Variants in TRMT9B observed in about 807,000 individuals in gnomAD.
TRMT9B encodes tRNA methyltransferase 9B (putative), also known as probable tRNA methyltransferase 9B.
Under a neutral mutation model 11.5 loss-of-function variants are expected in TRMT9B, and 16 were observed. The observed-to-expected ratio is 1.39, with a 90% CI of 0.94 to 2.11. The LOEUF (loss-of-function observed/expected upper bound fraction) is 2.11. Ranked by LOEUF, TRMT9B falls within the 30% of genes most tolerant of loss-of-function variation. The pLI is 0.00. For missense variants in TRMT9B, 941 were observed against 553.8 expected (o/e 1.70, Z -7.02); for synonymous variants, 274 against 192.4 (o/e 1.42, Z -3.51).
chr8:13,012,547 C>G (rs900566122), intron 3 of TRMT9B, 137 bp from the exon 4 acceptor site: 234 of 1,161,638 alleles, frequency 2.0e-4, no homozygotes, highest in Non-Finnish European at 2.7e-4. Flanking sequence ...TGCACTCCAG[C>G]CTGGGTGACT....
At chr8:12,962,371 T>C (rs1157018025) in intron 1 of TRMT9B, among the ~76,000 whole-genome samples, 1 of 152,262 alleles carries the variant, frequency 6.6e-6, no homozygotes, top group Non-Finnish European at 1.5e-5. Flanking sequence ...ATCTCTTGTC[T>C]GATAGTTTGT....
At position 12,965,324 on chromosome 8, in the gene TRMT9B, G is replaced by A. The variant is rs559083079; in HGVS notation, c.-200+19358G>A. 2.8e-4 allele frequency among the ~76,000 whole-genome samples: 43 copies of A among 152,314 alleles called. 2 individuals carry two copies. The South Asian group carries it at 8.9e-3, about 32-fold the overall frequency. ...AGCTATTGAGGAGCTCAGTTGGAAA[G>A]AAACAGAGCTAGCATCACAGTGAAC... On this transcript the variant is annotated intron_variant, in intron 1 of 4. Coordinates refer to ENST00000524591, the MANE Select transcript of TRMT9B (RefSeq NM_020844.3).
chr8:13,002,175 G>T (rs574164664), intron 2 of TRMT9B, among the ~76,000 whole-genome samples: 2 of 152,270 alleles, frequency 1.3e-5, no homozygotes, highest in African/African-American at 2.4e-5. Context: ...GATCTTGGGG[G>T]TGCTGTTCAG....
chr8:12,971,158 T>C (rs1285684764), intron 1 of TRMT9B, among the ~76,000 whole-genome samples: 1 of 152,218 alleles, frequency 6.6e-6, no homozygotes, highest in East Asian at 1.9e-4. Flanking sequence ...AAATAGACAA[T>C]AAAGTTTTGT....
chr8:12,972,310 G>C (rs1803759838), intron 1 of TRMT9B, among the ~76,000 whole-genome samples: 1 of 152,208 alleles, frequency 6.6e-6, no homozygotes, highest in Non-Finnish European at 1.5e-5. Context: ...GGGCTGGCCG[G>C]CTGGTGCGGA....
intron 1 of TRMT9B, among the ~76,000 whole-genome samples, chr8:12,984,190 C>T (rs1001115512): frequency 6.6e-6 from 1 of 152,124 alleles, no homozygotes; most frequent in African/African-American, 2.4e-5. Flanking sequence ...TATTATGAAA[C>T]AACCATGAAT....
intron 2 of TRMT9B, among the ~76,000 whole-genome samples, chr8:12,994,202 A>T (rs1190407686): frequency 6.6e-6 from 1 of 152,218 alleles, no homozygotes; most frequent in African/African-American, 2.4e-5. Context: ...CTGCGACTGC[A>T]AATAGTGGTC....
intron 1 of TRMT9B, among the ~76,000 whole-genome samples, chr8:12,982,618 C>G (rs149075132): frequency 1.3e-5 from 2 of 151,488 alleles, no homozygotes; most frequent in Non-Finnish European, 2.9e-5. Context: ...GCCGAGATTG[C>G]GCCACTGCAC....
At position 12,989,559 on chromosome 8, in the gene TRMT9B, C is replaced by T. The variant is rs191310055; in HGVS notation, c.-199-1275C>T. ...TCATTGGTACTCTTACTGATGGGGG[C>T]GTTGAAGACTTTGCCTTTGGTGGCT... On this transcript the variant is annotated intron_variant, in intron 1 of 4. Transcript: ENST00000524591. Among the ~76,000 whole-genome samples, 12 of 152,182 alleles carry T rather than the reference C, an allele frequency of 7.9e-5. No individual in the cohort carries two copies. In the East Asian group the frequency reaches 1.9e-3, roughly 25 times the overall value.
intron 3 of TRMT9B, chr8:13,011,828 T>A (rs140663001): frequency 1.0e-6 from 1 of 964,910 alleles, no homozygotes; most frequent in South Asian, 4.8e-5. Context: ...GAATAGAGAT[T>A]GGATAAAAAC....
At chr8:12,967,529 T>A (rs764764663) in intron 1 of TRMT9B, among the ~76,000 whole-genome samples, 8 of 152,234 alleles carry the variant, frequency 5.3e-5, no homozygotes, top group African/African-American at 1.9e-4. Flanking sequence ...CAGTTACCAT[T>A]TGACCAACTC....
intron 2 of TRMT9B, among the ~76,000 whole-genome samples, chr8:12,994,184 T>G (rs1807914543): frequency 6.6e-6 from 1 of 152,194 alleles, no homozygotes; most frequent in Non-Finnish European, 1.5e-5. Context: ...TTTTAATCTC[T>G]AAAACGTCTG....
intron 1 of TRMT9B, among the ~76,000 whole-genome samples, chr8:12,957,861 G>T (rs575596785): frequency 8.5e-5 from 13 of 152,122 alleles, no homozygotes; most frequent in Non-Finnish European, 1.6e-4. Flanking sequence ...TTTTCACATT[G>T]CTGTGCAACC....
intron 2 of TRMT9B, among the ~76,000 whole-genome samples, chr8:12,999,974 T>C (rs1368124023): frequency 6.6e-6 from 1 of 152,240 alleles, no homozygotes; most frequent in Non-Finnish European, 1.5e-5. Context: ...AGTTGTCATC[T>C]AATAAAAACT....
chr8:12,983,318 C>T (rs895545437), intron 1 of TRMT9B, among the ~76,000 whole-genome samples: 1 of 135,372 alleles, frequency 7.4e-6, no homozygotes, highest in African/African-American at 2.6e-5. Context: ...GAGAGAGTTC[C>T]AAGACAAAAA....
intron 1 of TRMT9B, among the ~76,000 whole-genome samples, chr8:12,987,172 A>C (rs536828278): frequency 3.3e-5 from 5 of 152,176 alleles, no homozygotes; most frequent in Non-Finnish European, 7.3e-5. Context: ...TGGCTCTGCC[A>C]CTTACTAGCT....
intron 1 of TRMT9B, among the ~76,000 whole-genome samples, chr8:12,983,855 G>C (rs534371698): frequency 1.3e-5 from 2 of 152,114 alleles, no homozygotes; most frequent in Non-Finnish European, 2.9e-5. Context: ...CTTATTTGTT[G>C]CTGTTAACAG....
chr8:13,021,834 A>C lies in TRMT9B; in HGVS notation c.1155A>C (p.Thr385=). Reference sequence around the variant, plus strand: ...GAAGGATTTCTGCAGTTGATTCCACAGATTTCAACCCAGATGATACAATGT... The same window carrying C: ...GAAGGATTTCTGCAGTTGATTCCACCGATTTCAACCCAGATGATACAATGT... ...ILRRISAVDS[T]DFNPDDTMSV... is the part of the protein sequence containing the mutation. Residue 385 remains threonine, a synonymous_variant, in exon 5 of 5, where the codon ACA becomes ACC. Transcript: ENST00000524591. 1 of 1,613,760 alleles carries C rather than the reference A, an allele frequency of 6.2e-7. No individual in the cohort carries two copies. The highest frequency in any genetic ancestry group is 1.1e-5 in the South Asian group (1 of 91,040).
chr8:12,956,812 C>G (rs1471849174), intron 1 of TRMT9B, among the ~76,000 whole-genome samples: 2 of 152,126 alleles, frequency 1.3e-5, no homozygotes, highest in Non-Finnish European at 2.9e-5. Context: ...ACTTTAATTA[C>G]TTATTTCATA....
Sources: gnomAD v4.1 joint callset for allele counts (sites outside exome capture counted in the v4.1 genomes callset) on GRCh38, gnomAD v4.1.1 for gene constraint, MANE v1.5 for transcripts, NCBI Gene and HGNC (gene_info 2026-07-23, HGNC 2026-07-21) for gene names.